The following DAAM2 variants were observed in gnomAD, a reference collection of about 807,000 sequenced individuals.
DAAM2 encodes the protein disheveled-associated activator of morphogenesis 2.
Under a neutral mutation model 120.7 loss-of-function variants are expected in DAAM2, and 39 were observed. The observed-to-expected ratio is 0.32, with a 90% CI of 0.25 to 0.42. DAAM2 has a LOEUF of 0.42. Among genes scored for constraint, DAAM2 ranks in the 10% least tolerant of loss-of-function variants. DAAM2 has a pLI of 1.00. For missense variants in DAAM2, 1,283 were observed against 1,401.7 expected (o/e 0.92, Z 1.35); for synonymous variants, 488 against 524.9 (o/e 0.93, Z 0.96).
At chr6:39,828,718 A>G (rs1414443380) in intron 1 of DAAM2, among the ~76,000 whole-genome samples, 2 of 151,976 alleles carry the variant, frequency 1.3e-5, no homozygotes, top group African/African-American at 4.8e-5. Flanking sequence ...GCGTGCCACC[A>G]TGCCCGGCTA....
chr6:39,873,654 T>TGACG (rs540044940), intron 10 of DAAM2, among the ~76,000 whole-genome samples: 55 of 152,376 alleles, frequency 3.6e-4, no homozygotes, highest in Admixed American at 2.9e-3. Flanking sequence ...TTTCAGCTCA[T>TGACG]GACGGGGGAG....
intron 1 of DAAM2, among the ~76,000 whole-genome samples, chr6:39,855,848 G>C (rs946471215): frequency 1.3e-5 from 2 of 152,190 alleles, no homozygotes; most frequent in African/African-American, 4.8e-5. Context: ...AATCAAGTGA[G>C]TAAGTGAGCC....
chr6:39,846,309 A>T (rs779899483), intron 1 of DAAM2, among the ~76,000 whole-genome samples: 2 of 152,120 alleles, frequency 1.3e-5, no homozygotes, highest in Non-Finnish European at 2.9e-5. Flanking sequence ...AACTAAAGGG[A>T]GTTCATGGGA....
intron 19 of DAAM2, among the ~76,000 whole-genome samples, chr6:39,896,182 A>G (rs190946756): frequency 6.3e-4 from 91 of 145,018 alleles, no homozygotes; most frequent in African/African-American, 2.3e-3. Context: ...TGGAAAGAAT[A>G]TCTGAATAAT....
At position 39,856,110 on chromosome 6, in the gene DAAM2, C is replaced by T. The variant is rs1337637899; in HGVS notation, c.-56-137C>T. 1.9e-5 allele frequency: 8 copies of T among 412,940 alleles called. No individual in the cohort carries two copies. The South Asian group carries it at 2.4e-4, about 12-fold the overall frequency. The allele number at this position is 412,940 out of a possible 1,614,324, so 25.6% of individuals were successfully genotyped here. On this transcript the variant is annotated intron_variant, in intron 1 of 24. Transcript: ENST00000274867. ...GATGCTGTGGGAGGAGGGGCGACAG[C>T]GGGGTGGGTGGGGCTTTGCTATTGG...
At chr6:39,870,981 G>A (rs779247392) in intron 8 of DAAM2, among the ~76,000 whole-genome samples, 8 of 152,174 alleles carry the variant, frequency 5.3e-5, no homozygotes, top group Non-Finnish European at 1.0e-4. Context: ...CTTTTGAGGT[G>A]GAACAAGTGG....
intron 1 of DAAM2, among the ~76,000 whole-genome samples, chr6:39,847,443 C>T (rs1326702405): frequency 2.0e-5 from 3 of 152,148 alleles, no homozygotes; most frequent in African/African-American, 7.2e-5. Flanking sequence ...GCAGAGGGGG[C>T]GAGGCCTCGG....
In DAAM2 at chr6:39,891,464, G is replaced by A. The variant is rs1363602968; in HGVS notation, c.2252+17G>A. Reference sequence around the variant, plus strand: ...AATGAGCAGGTTGGGCCATGGGCATGGTGGGGATTCAAGCAGGTGGGGTTC... The same window carrying A: ...AATGAGCAGGTTGGGCCATGGGCATAGTGGGGATTCAAGCAGGTGGGGTTC... On this transcript the variant is annotated intron_variant, in intron 18 of 24. Coordinates refer to ENST00000274867, the MANE Select transcript of DAAM2 (RefSeq NM_001201427.2). 7 of 1,592,200 alleles carry A rather than the reference G, an allele frequency of 4.4e-6. No individual in the cohort carries two copies. Among genetic ancestry groups the A allele is most frequent in the Non-Finnish European group, 4.3e-6 (5 of 1,167,358 alleles).
intron 3 of DAAM2, among the ~76,000 whole-genome samples, chr6:39,863,257 G>A (rs1053915797): frequency 1.3e-5 from 2 of 152,026 alleles, no homozygotes; most frequent in Non-Finnish European, 2.9e-5. Context: ...TGTGTTTGCC[G>A]ACACAATTGT....
At position 39,901,208 on chromosome 6, in the gene DAAM2, G is replaced by A; in HGVS notation, c.2812-94G>A. ...TGCCAACAGTCCCCAGCCTTGCGCT[G>A]GGCTCTGCTCTGGCTAGAACCCAGC... On this transcript the variant is annotated intron_variant, in intron 23 of 24. Coordinates refer to ENST00000274867, the MANE Select transcript of DAAM2 (RefSeq NM_001201427.2). This position sits in a 1 kb window ranked among gnomAD's most constrained non-coding sequence, Gnocchi z 4.5. The A allele has an allele frequency of 1.7e-6, 2 of 1,180,082 alleles. No homozygotes were observed. Among genetic ancestry groups the A allele is most frequent in the Non-Finnish European group, 1.2e-6 (1 of 821,918 alleles). The allele number at this position is 1,180,082 out of a possible 1,614,324, so 73.1% of individuals were successfully genotyped here.
intron 7 of DAAM2, among the ~76,000 whole-genome samples, chr6:39,869,409 G>T (rs1365652648): frequency 1.3e-5 from 2 of 152,146 alleles, no homozygotes; most frequent in Non-Finnish European, 2.9e-5. Flanking sequence ...ACAGGGTGAA[G>T]CCCCGTCTCC....
chr6:39,867,335 A>C (rs1764471989), intron 5 of DAAM2, 175 bp from the exon 6 acceptor site: 1 of 615,772 alleles, frequency 1.6e-6, no homozygotes, highest in African/African-American at 1.8e-5. Flanking sequence ...AATAAGACAC[A>C]AGTCTTTTGT....
intron 1 of DAAM2, among the ~76,000 whole-genome samples, chr6:39,834,690 T>G (rs780121711): frequency 1.1e-4 from 17 of 152,244 alleles, no homozygotes; most frequent in Non-Finnish European, 2.1e-4. Flanking sequence ...CATCATGCTA[T>G]TGGTGTTATA....
chr6:39,873,180 CT>C (rs1764731274), intron 9 of DAAM2, 57 bp from the exon 10 acceptor site: 2 of 1,125,932 alleles, frequency 1.8e-6, no homozygotes, highest in East Asian at 5.0e-5. Context: ...GGTCTTCTCT[CT>C]CCTGCTGACT....
chr6:39,829,322 A>G (rs1332489995), intron 1 of DAAM2, among the ~76,000 whole-genome samples: 1 of 152,210 alleles, frequency 6.6e-6, no homozygotes, highest in Admixed American at 6.5e-5. Flanking sequence ...ACTGAGCCAC[A>G]AACATTGGCA....
chr6:39,895,005 C>T (rs1765986910), intron 19 of DAAM2, among the ~76,000 whole-genome samples: 1 of 152,040 alleles, frequency 6.6e-6, no homozygotes, highest in Non-Finnish European at 1.5e-5. Flanking sequence ...TGTGGGTTGT[C>T]CCTGCTGTTA....
intron 4 of DAAM2, among the ~76,000 whole-genome samples, 190 bp from the exon 5 acceptor site, chr6:39,864,790 C>T (rs1232719775): frequency 6.6e-6 from 1 of 152,196 alleles, no homozygotes; most frequent in Non-Finnish European, 1.5e-5. Context: ...TACTTCTCTC[C>T]ATTTCACAGA....
chr6:39,836,175 C>G (rs1290248216), intron 1 of DAAM2, among the ~76,000 whole-genome samples: 1 of 152,112 alleles, frequency 6.6e-6, no homozygotes, highest in African/African-American at 2.4e-5. Context: ...AGAAGATTCC[C>G]TCATTCTCAG....
chr6:39,823,356 T>C (rs942232315), intron 1 of DAAM2: 3 of 152,266 alleles, frequency 2.0e-5, no homozygotes, highest in Admixed American at 6.6e-5. Context: ...GCAAAGCAGC[T>C]TGGGGGTTCT....
Sources: gnomAD v4.1 joint callset for allele counts (sites outside exome capture counted in the v4.1 genomes callset) on GRCh38, gnomAD v4.1.1 for gene constraint, Gnocchi (gnomAD v3.1) non-coding constraint, MANE v1.5 for transcripts, NCBI Gene and HGNC (gene_info 2026-07-23, HGNC 2026-07-21) for gene names.